GULP1: variants seen among roughly 807,000 people sequenced by gnomAD.
The protein encoded by GULP1 is GULP PTB domain containing engulfment adaptor 1, also known as PTB domain-containing engulfment adapter protein 1.
In GULP1, 19 loss-of-function variants were observed where a neutral mutation model predicts 40.9. The observed-to-expected ratio is 0.46, with a 90% confidence interval of 0.32 to 0.68. The LOEUF (loss-of-function observed/expected upper bound fraction) is 0.68, where lower values mean the gene tolerates loss of function less well. Among genes scored for constraint, GULP1 ranks in the 30% least tolerant of loss-of-function variants. GULP1 has a pLI of 0.03. For synonymous variants in GULP1, 119 were observed against 117.6 expected, an observed-to-expected ratio of 1.01 and a Z score of -0.08; for missense variants, 312 against 362.2, an observed-to-expected ratio of 0.86 and a Z score of 1.12.
intron 7 of GULP1, among the ~76,000 whole-genome samples, chr2:188,551,035 T>G (rs1693332114): frequency 6.6e-6 from 1 of 151,604 alleles, no homozygotes; most frequent in Non-Finnish European, 1.5e-5. Flanking sequence ...AGTGACCAGC[T>G]GTAAACTAGA....
chr2:188,345,832 T>C lies in GULP1; in HGVS notation c.-171-37931T>C, dbSNP rs370727016. 1.5e-4 allele frequency among the ~76,000 whole-genome samples: 23 copies of C among 152,318 alleles called. 1 individual carries two copies. Among genetic ancestry groups the C allele is most frequent in the African/African-American group, 5.5e-4 (23 of 41,574 alleles). ...TATTTTGGTCTTATTCCCTCTTCCT[T>C]AAAGTGTTCGTATTCATTCATTCAA... On this transcript the variant is annotated intron_variant, in intron 1 of 11. Coordinates refer to ENST00000409830, the MANE Select transcript of GULP1 (RefSeq NM_016315.4).
intron 3 of GULP1, among the ~76,000 whole-genome samples, chr2:188,481,501 G>T (rs2061444830): frequency 6.6e-6 from 1 of 151,918 alleles, no homozygotes; most frequent in African/African-American, 2.4e-5. Context: ...CATTGTAGGA[G>T]CTACAGCTTA....
chr2:188,450,649 T>C lies in GULP1; in HGVS notation c.-44-27010T>C, dbSNP rs530277375. Among the ~76,000 whole-genome samples the C allele has an allele frequency of 6.6e-5, 10 of 152,268 alleles. No homozygotes were observed. In the South Asian group the frequency reaches 2.1e-3, roughly 32 times the overall value. ...GAATTATTATCACTTTCTTTGACTC[T>C]CTTTCATTTAGAATGTTTTATACAA... On this transcript the variant is annotated intron_variant, in intron 2 of 11. Transcript: ENST00000409830.
At chr2:188,538,014 G>T (rs180993123) in intron 6 of GULP1, among the ~76,000 whole-genome samples, 1 of 152,026 alleles carries the variant, frequency 6.6e-6, no homozygotes, top group South Asian at 2.1e-4. Flanking sequence ...TTGTATTTCC[G>T]TGGGATCAGT....
At chr2:188,566,854 G>C (rs1425367409) in intron 7 of GULP1, among the ~76,000 whole-genome samples, 1 of 147,888 alleles carries the variant, frequency 6.8e-6, no homozygotes, top group African/African-American at 2.5e-5. Context: ...AATTTAGAAG[G>C]GAAGCAACCT....
At chr2:188,584,703 C>CT (rs2153462473) in intron 10 of GULP1, among the ~76,000 whole-genome samples, 1 of 151,720 alleles carries the variant, frequency 6.6e-6, no homozygotes, top group African/African-American at 2.4e-5. Flanking sequence ...TAATATTTTA[C>CT]TTTAACTTTT....
chr2:188,448,931 G>A (rs2152907141), intron 2 of GULP1, among the ~76,000 whole-genome samples: 1 of 152,226 alleles, frequency 6.6e-6, no homozygotes, highest in African/African-American at 2.4e-5. Context: ...ATGAATAAAA[G>A]CTCCCTGAGG....
chr2:188,529,202 C>CTTT lies in GULP1; in HGVS notation c.261+14_261+16dup. On this transcript the variant is annotated splice_region_variant and intron_variant, in intron 6 of 11. Transcript: ENST00000409830. ...TCTAGAACCCAAAACAAAGGTAAGGCTTTTTTTTTAATGTTAGAGGCAATC... is the reference window on the plus strand; with the variant it reads ...TCTAGAACCCAAAACAAAGGTAAGGCTTTTTTTTTTTTAATGTTAGAGGCAATC... 1 of 1,223,772 alleles carries CTTT rather than the reference C, an allele frequency of 8.2e-7. No homozygotes were observed. The highest frequency in any genetic ancestry group is 1.2e-6 in the Non-Finnish European group (1 of 858,608). 75.8% of individuals were successfully genotyped at this position (1,223,772 alleles called of 1,614,324 possible).
At chr2:188,434,842 A>G (rs2057253908) in intron 2 of GULP1, among the ~76,000 whole-genome samples, 1 of 151,730 alleles carries the variant, frequency 6.6e-6, no homozygotes, top group South Asian at 2.1e-4. Context: ...TTTGTTGACA[A>G]TTTTTGTATG....
At chr2:188,496,928 T>C (rs775121949) in intron 4 of GULP1, among the ~76,000 whole-genome samples, 35 of 151,980 alleles carry the variant, frequency 2.3e-4, no homozygotes, top group South Asian at 4.1e-4. Flanking sequence ...CCATGTAAGA[T>C]GTTCCTGCTT....
intron 4 of GULP1, among the ~76,000 whole-genome samples, chr2:188,519,424 T>G (rs947199135): frequency 1.3e-5 from 2 of 152,156 alleles, no homozygotes; most frequent in Non-Finnish European, 2.9e-5. Context: ...CCAGTAAAAC[T>G]TATAGTCTAT....
At chr2:188,570,192 A>C (rs1348699820) in intron 9 of GULP1, 72 bp downstream of exon 9, 3 of 684,894 alleles carry the variant, frequency 4.4e-6, no homozygotes, top group Non-Finnish European at 7.8e-6. Flanking sequence ...TAGTTCTGCA[A>C]TATTTCATAT....
chr2:188,312,312 C>T (rs1048942599), intron 1 of GULP1, among the ~76,000 whole-genome samples: 4 of 152,092 alleles, frequency 2.6e-5, no homozygotes, highest in African/African-American at 9.7e-5. Flanking sequence ...CCCCTCATCC[C>T]CCATCCACCA....
rs1421661858 is a variant in GULP1 at position 188,377,253 on chromosome 2, G to A, written c.-171-6510G>A. ...TATGTACTATGGTTTTATTTACAGT[G>A]TGAAAGATATGGAACTTTTAAACAC... On this transcript the variant is annotated intron_variant, in intron 1 of 11. Coordinates refer to ENST00000409830, the MANE Select transcript of GULP1 (RefSeq NM_016315.4). Among the ~76,000 whole-genome samples the A allele has an allele frequency of 2.0e-5, 3 of 152,014 alleles. No individual in the cohort carries two copies. The East Asian group carries it at 5.8e-4, about 29-fold the overall frequency.
intron 2 of GULP1, among the ~76,000 whole-genome samples, chr2:188,431,224 CGTGTCTTT>C (rs2056835743): frequency 6.6e-6 from 1 of 151,944 alleles, no homozygotes; most frequent in Non-Finnish European, 1.5e-5. Flanking sequence ...GGAGGAAAAC[CGTGTCTTT>C]TTAAAACCTT....
At chr2:188,425,454 A>G (rs74602181) in intron 2 of GULP1, among the ~76,000 whole-genome samples, 154 of 152,228 alleles carry the variant, frequency 1.0e-3, no homozygotes, top group Non-Finnish European at 1.8e-3. Flanking sequence ...CATTTGTCCA[A>G]GGAACTTTGG....
At position 188,372,804 on chromosome 2, in the gene GULP1, G is replaced by A. The variant is rs544036259; in HGVS notation, c.-171-10959G>A. Among the ~76,000 whole-genome samples the A allele has an allele frequency of 1.7e-3, 262 of 152,100 alleles. 2 individuals are homozygous for A. The highest frequency in any genetic ancestry group is 3.3e-3 in the Non-Finnish European group (225 of 67,890). ...ATATCATTGGGTCTTGGAAGACTGAGCTCAAATGAGATAATTGCAATCTTC... is the reference window on the plus strand; with the variant it reads ...ATATCATTGGGTCTTGGAAGACTGAACTCAAATGAGATAATTGCAATCTTC... On this transcript the variant is annotated intron_variant, in intron 1 of 11. Transcript: ENST00000409830.
chr2:188,594,141 C>T lies in GULP1; in HGVS notation c.*130C>T, dbSNP rs556260121. On this transcript the variant is annotated 3_prime_UTR_variant, in exon 12 of 12. Transcript: ENST00000409830. Reference sequence around the variant, plus strand: ...AATATTTTAATATTTTGAAAATTTTCTCAGTTAAATTTCCTCACCTTCACT... The same window carrying T: ...AATATTTTAATATTTTGAAAATTTTTTCAGTTAAATTTCCTCACCTTCACT... 7.4e-6 allele frequency: 4 copies of T among 537,610 alleles called. No individual in the cohort carries two copies. The South Asian group carries it at 1.4e-4, about 19-fold the overall frequency. 33.3% of individuals were successfully genotyped at this position (537,610 alleles called of 1,614,324 possible).
rs201232994 is a variant in GULP1, at chr2:188,364,930, A to G, written c.-171-18833A>G. On this transcript the variant is annotated intron_variant, in intron 1 of 11. Coordinates refer to ENST00000409830, the MANE Select transcript of GULP1 (RefSeq NM_016315.4). ...CACACACACACACATATATATGTGT[A>G]TATATATATATACACACACACACTT... Among the ~76,000 whole-genome samples, 30 of 93,206 alleles carry G rather than the reference A, an allele frequency of 3.2e-4. No individual in the cohort carries two copies. The East Asian group carries it at 3.7e-3, about 11-fold the overall frequency. 61.1% of individuals were successfully genotyped at this position (93,206 alleles called of 152,430 possible).
Sources: gnomAD v4.1 joint callset for allele counts (sites outside exome capture counted in the v4.1 genomes callset) on GRCh38, gnomAD v4.1.1 for gene constraint, MANE v1.5 for transcripts, NCBI Gene and HGNC (gene_info 2026-07-23, HGNC 2026-07-21) for gene names.